Variants in LARP4B observed in about 807,000 individuals in gnomAD.
LARP4B encodes the protein La ribonucleoprotein 4B, also known as la-related protein 4B.
In LARP4B, 12 loss-of-function variants were observed where a neutral mutation model predicts 89.8. The ratio of observed to expected loss-of-function variants is 0.13; its 90% CI spans 0.09 to 0.22. The LOEUF (loss-of-function observed/expected upper bound fraction) is 0.22, where lower values mean the gene tolerates loss of function less well. LARP4B is among the 10% of genes least tolerant of loss of function. LARP4B has a pLI of 1.00. For synonymous variants in LARP4B, 367 were observed against 363.3 expected, an observed-to-expected ratio of 1.01 and a Z score of -0.12; for missense variants, 757 against 947.7, an observed-to-expected ratio of 0.80 and a Z score of 2.64.
At chr10:946,978 T>G in the LARP4B span, among the ~76,000 whole-genome samples, 2 of 152,272 alleles carry the variant, frequency 1.3e-5, no homozygotes, top group Middle Eastern at 3.4e-3. Flanking sequence ...AAGCGATTTC[T>G]CATGCCTTAA....
intron 5 of LARP4B, among the ~76,000 whole-genome samples, chr10:863,360 C>A (rs2131839587): frequency 6.6e-6 from 1 of 152,054 alleles, no homozygotes; most frequent in East Asian, 1.9e-4. Flanking sequence ...ATAGCTGGGA[C>A]TACAGGCGCC....
At position 884,275 on chromosome 10, in the gene LARP4B, T is replaced by C. The variant is rs375612590; in HGVS notation, c.141+172A>G. Among the ~76,000 whole-genome samples, 3 of 152,366 alleles carry C rather than the reference T, an allele frequency of 2.0e-5. No individual in the cohort carries two copies. In the East Asian group the frequency reaches 5.8e-4, roughly 29 times the overall value. On this transcript the variant is annotated intron_variant, in intron 3 of 17. Transcript: ENST00000316157. ...CAGAAGCTAGAAAGGACATACAGTA[T>C]TGACAGTTACCATACCCAGGGGTTG...
chr10:815,585 G>A (rs1832001452), intron 15 of LARP4B: 1 of 152,284 alleles, frequency 6.6e-6, no homozygotes, highest in African/African-American at 2.4e-5. Flanking sequence ...AACAGGTGAG[G>A]AAACTGAGGC....
the LARP4B span, among the ~76,000 whole-genome samples, chr10:975,689 A>C: frequency 6.6e-6 from 1 of 152,156 alleles, no homozygotes. Context: ...GGCCTAGTAC[A>C]AGGTAGGCCT....
At chr10:912,927 G>A (rs904283101) in intron 1 of LARP4B, among the ~76,000 whole-genome samples, 2 of 152,062 alleles carry the variant, frequency 1.3e-5, no homozygotes. Context: ...CTTTATAAAA[G>A]AAACTGACAT....
chr10:887,578 G>A (rs576506469), intron 1 of LARP4B, among the ~76,000 whole-genome samples: 1 of 151,082 alleles, frequency 6.6e-6, no homozygotes, highest in African/African-American at 2.4e-5. Flanking sequence ...AGGAACGGTG[G>A]CGGGCACCTG....
intron 3 of LARP4B, chr10:870,040 C>G: frequency 1.0e-6 from 1 of 985,594 alleles, no homozygotes; most frequent in Non-Finnish European, 1.2e-6. Flanking sequence ...CATGCCATCC[C>G]CAAACAACAC....
chr10:938,447 G>T, the LARP4B span, among the ~76,000 whole-genome samples: 1 of 151,518 alleles, frequency 6.6e-6, no homozygotes, highest in African/African-American at 2.4e-5. Context: ...TAAAGACAGG[G>T]TTTCACCGTG....
intron 5 of LARP4B, among the ~76,000 whole-genome samples, chr10:855,902 C>T (rs1480248925): frequency 6.6e-6 from 1 of 152,172 alleles, no homozygotes; most frequent in Non-Finnish European, 1.5e-5. Flanking sequence ...ACAGACAGTC[C>T]AAAAATAAAT....
At chr10:965,431 C>T in the LARP4B span, among the ~76,000 whole-genome samples, 197 of 152,130 alleles carry the variant, frequency 1.3e-3, 2 homozygotes, top group Middle Eastern at 0.024. Context: ...ACACGGTGCC[C>T]GCTCCCCCCC....
Position 830,906 on chromosome 10 carries a change from A to G in LARP4B, c.822T>C (p.Asn274=). 7.0e-7 allele frequency: 1 copy of G among 1,432,738 alleles called. No individual in the cohort carries two copies. Among genetic ancestry groups the G allele is most frequent in the Non-Finnish European group, 9.8e-7 (1 of 1,019,750 alleles). The allele number at this position is 1,432,738 out of a possible 1,614,324, so 88.8% of individuals were successfully genotyped here. The part of the protein sequence containing the change: ...FINCEFAYND[N]WFITFETEAD... The stretch of plus-strand genomic sequence containing the variant: ...CTTCTGTTTCAAATGTAATAAACCA[A>G]TTATCATTATATGCAAATTCACAGT... The change falls in exon 9 of 18, where the codon AAT becomes AAC. Residue 274 remains asparagine, a synonymous_variant. Transcript: ENST00000316157.
chr10:857,802 C>T (rs1414730890), intron 5 of LARP4B, among the ~76,000 whole-genome samples: 1 of 152,178 alleles, frequency 6.6e-6, no homozygotes, highest in East Asian at 1.9e-4. Context: ...TCTATGTCCT[C>T]TCCAGGATCT....
chr10:920,232 T>C (rs1836942894), intron 1 of LARP4B, among the ~76,000 whole-genome samples: 1 of 152,222 alleles, frequency 6.6e-6, no homozygotes, highest in South Asian at 2.1e-4. Context: ...CAGTCCTAGC[T>C]CTGTCACCAA....
intron 1 of LARP4B, among the ~76,000 whole-genome samples, chr10:904,227 T>C (rs1054580886): frequency 6.6e-6 from 1 of 152,006 alleles, no homozygotes; most frequent in Non-Finnish European, 1.5e-5. Flanking sequence ...AAAACCAATA[T>C]GGGCAGCATA....
At chr10:958,829 A>G in the LARP4B span, among the ~76,000 whole-genome samples, 1 of 152,250 alleles carries the variant, frequency 6.6e-6, no homozygotes, top group East Asian at 1.9e-4. Flanking sequence ...TGCTGCCCAC[A>G]TCACCCACTA....
At chr10:901,307 T>C (rs1836337830) in intron 1 of LARP4B, among the ~76,000 whole-genome samples, 1 of 152,230 alleles carries the variant, frequency 6.6e-6, no homozygotes, top group Non-Finnish European at 1.5e-5. Context: ...ATAGGAATTC[T>C]AGTTCCTCAT....
At chr10:828,820 C>A (rs1344652139) in intron 11 of LARP4B, among the ~76,000 whole-genome samples, 1 of 152,170 alleles carries the variant, frequency 6.6e-6, no homozygotes, top group Admixed American at 6.5e-5. Flanking sequence ...CAAACTCATG[C>A]TAATTCCCAC....
chr10:908,447 G>A (rs983143689), intron 1 of LARP4B, among the ~76,000 whole-genome samples: 3 of 152,222 alleles, frequency 2.0e-5, no homozygotes, highest in South Asian at 4.1e-4. Flanking sequence ...CAAAGAGGGG[G>A]CCATGGGGAT....
the LARP4B span, among the ~76,000 whole-genome samples, chr10:978,572 C>A: frequency 1.3e-5 from 2 of 151,922 alleles, no homozygotes; most frequent in East Asian, 3.8e-4. Flanking sequence ...TAATCATTAA[C>A]CTAGGAATTA....
Sources: gnomAD v4.1 joint callset for allele counts (sites outside exome capture counted in the v4.1 genomes callset) on GRCh38, gnomAD v4.1.1 for gene constraint, MANE v1.5 for transcripts, NCBI Gene and HGNC (gene_info 2026-07-23, HGNC 2026-07-21) for gene names.